SASH1: variants seen among roughly 807,000 people sequenced by gnomAD.
SASH1 encodes SAM and SH3 domain containing 1.
Under a neutral mutation model 125.2 loss-of-function variants are expected in SASH1, and 44 were observed. That is an observed-to-expected ratio of 0.35 (90% CI 0.28 to 0.45). SASH1 has a LOEUF of 0.45. Among genes scored for constraint, SASH1 ranks in the 20% least tolerant of loss-of-function variants. SASH1 has a pLI of 1.00. For synonymous variants in SASH1, 639 were observed against 649.1 expected, an observed-to-expected ratio of 0.98 and a Z score of 0.24; for missense variants, 1,426 against 1,614.5, an observed-to-expected ratio of 0.88 and a Z score of 2.00.
chr6:148,482,931 C>T (rs574729644), intron 7 of SASH1, among the ~76,000 whole-genome samples: 12 of 152,154 alleles, frequency 7.9e-5, no homozygotes, highest in Admixed American at 1.3e-4. Flanking sequence ...TCAAGTGATC[C>T]ACCTGCCTCA....
At chr6:148,247,202 G>T in the SASH1 span, among the ~76,000 whole-genome samples, 1 of 152,170 alleles carries the variant, frequency 6.6e-6, no homozygotes, top group Non-Finnish European at 1.5e-5. Context: ...TAGTAAACTA[G>T]AATGCGAATT....
At chr6:148,205,969 A>G in the SASH1 span, among the ~76,000 whole-genome samples, 2 of 152,180 alleles carry the variant, frequency 1.3e-5, no homozygotes, top group Admixed American at 1.3e-4. Context: ...TTGCCTAGGA[A>G]TAGGCTGCCT....
chr6:148,272,527 C>A, intron 1 of SASH1: 1 of 321,134 alleles, frequency 3.1e-6, no homozygotes, highest in Non-Finnish European at 7.0e-6. Flanking sequence ...ATGAATTCAT[C>A]AAAATTCCGA....
intron 1 of SASH1, among the ~76,000 whole-genome samples, chr6:148,298,439 G>C (rs1779821695): frequency 6.6e-6 from 1 of 152,068 alleles, no homozygotes; most frequent in Admixed American, 6.5e-5. Context: ...AGACCAGCCT[G>C]GGCAACATGG....
In SASH1 at chr6:148,435,546, A is replaced by T. The variant is rs2473554; in HGVS notation, c.286-4638A>T. On this transcript the variant is annotated intron_variant, in intron 2 of 19. Coordinates refer to ENST00000367467, the MANE Select transcript of SASH1 (RefSeq NM_015278.5). ...TTCATAAATACGATTTTTCCTTATG[A>T]CCAAAGAAAGTCCTCCAGTACCAGG... 1.5e-3 allele frequency among the ~76,000 whole-genome samples: 224 copies of T among 152,190 alleles called. 2 individuals carry two copies. The highest frequency in any genetic ancestry group is 3.3e-3 in the South Asian group (16 of 4,800).
chr6:148,283,569 C>G (rs749735359), intron 1 of SASH1, among the ~76,000 whole-genome samples: 3 of 152,106 alleles, frequency 2.0e-5, no homozygotes, highest in Non-Finnish European at 4.4e-5. Context: ...GTCAGGAGAT[C>G]GAGACCATCC....
chr6:148,358,727 G>GTTTTTT (rs1554242358), intron 1 of SASH1, among the ~76,000 whole-genome samples: 2 of 98,794 alleles, frequency 2.0e-5, no homozygotes, highest in African/African-American at 7.0e-5. Flanking sequence ...CTAATGCCAT[G>GTTTTTT]TTTTTGTTTT....
At chr6:148,364,338 T>C (rs1323957691) in intron 1 of SASH1, among the ~76,000 whole-genome samples, 1 of 152,182 alleles carries the variant, frequency 6.6e-6, no homozygotes, top group Non-Finnish European at 1.5e-5. Context: ...GAGAGATGGC[T>C]CACCACTGCT....
the SASH1 span, among the ~76,000 whole-genome samples, chr6:148,211,576 G>GAA: frequency 0.072 from 9,951 of 138,954 alleles, 751 homozygotes; most frequent in African/African-American, 0.2. Flanking sequence ...ATCTCAAAGG[G>GAA]AAAAAAAAAA....
intron 16 of SASH1, 29 bp downstream of exon 16, chr6:148,534,930 C>T (rs1781751749): frequency 2.5e-6 from 4 of 1,611,708 alleles, no homozygotes; most frequent in Non-Finnish European, 3.4e-6. Flanking sequence ...AGAGGTGTTC[C>T]CTGTGAGGTC....
chr6:148,241,691 C>T, the SASH1 span, among the ~76,000 whole-genome samples: 1 of 152,164 alleles, frequency 6.6e-6, no homozygotes, highest in South Asian at 2.1e-4. Context: ...GTTAAGAGGG[C>T]AGGTTCTGGA....
chr6:148,273,110 A>T (rs190378798), intron 1 of SASH1, among the ~76,000 whole-genome samples: 1 of 152,072 alleles, frequency 6.6e-6, no homozygotes, highest in East Asian at 1.9e-4. Context: ...AATTACAAAA[A>T]TTAGCTGGGC....
the SASH1 span, among the ~76,000 whole-genome samples, chr6:148,239,265 G>A: frequency 3.3e-5 from 5 of 152,168 alleles, no homozygotes; most frequent in African/African-American, 1.2e-4. Context: ...ATTTCCTAAA[G>A]GAAATGATAA....
chr6:148,425,852 C>T (rs1376762504), intron 2 of SASH1, among the ~76,000 whole-genome samples: 2 of 151,466 alleles, frequency 1.3e-5, no homozygotes, highest in African/African-American at 2.4e-5. Context: ...CTGCCTCAGC[C>T]TCCGTGAGCC....
the SASH1 span, among the ~76,000 whole-genome samples, chr6:148,244,152 A>G: frequency 6.6e-6 from 1 of 152,164 alleles, no homozygotes; most frequent in Non-Finnish European, 1.5e-5. Context: ...TCAACACAGC[A>G]CTTGACCATC....
chr6:148,361,397 A>C (rs1437875961), intron 1 of SASH1, among the ~76,000 whole-genome samples: 2 of 152,168 alleles, frequency 1.3e-5, no homozygotes, highest in African/African-American at 4.8e-5. Context: ...CAGGAGTTTG[A>C]GACCAGCCCA....
chr6:148,342,094 A>G (rs549193853), upstream of SASH1, among the ~76,000 whole-genome samples: 1 of 152,308 alleles, frequency 6.6e-6, no homozygotes, highest in South Asian at 2.1e-4. Flanking sequence ...CCTAATGTAA[A>G]GGAATAATTA....
the SASH1 span, among the ~76,000 whole-genome samples, chr6:148,206,478 A>G: frequency 1.3e-5 from 2 of 152,246 alleles, no homozygotes; most frequent in East Asian, 3.9e-4. Context: ...CTTGCCATAA[A>G]TAGAAAATTT....
At position 148,474,203 on chromosome 6, in the gene SASH1, T is replaced by C. The variant is rs556934713; in HGVS notation, c.608T>C (p.Ile203Thr). The change falls in exon 7 of 20, where the codon ATT becomes ACT. Residue 203 changes from isoleucine to threonine, a missense_variant. Physicochemically the swap from Ile to Thr is moderately conservative, Grantham distance 89. This residue lies in a region of SASH1 where 567 missense variants were observed against 575.6 expected (regional missense o/e 0.99). Transcript: ENST00000367467. ...ATGGTCAAAGAAAAGATGATCACAA[T>C]TGAGGAAGCACTTGCTAGGGTAAGC... ...MMMVKEKMIT[I>T]EEALARLKEY... The C allele has an allele frequency of 2.5e-6, 4 of 1,602,512 alleles. No individual in the cohort carries two copies. Among genetic ancestry groups the C allele is most frequent in the East Asian group, 2.2e-5 (1 of 44,674 alleles).
Sources: gnomAD v4.1 joint callset for allele counts (sites outside exome capture counted in the v4.1 genomes callset) on GRCh38, gnomAD v4.1.1 for gene constraint, gnomAD v4.1.1 regional missense constraint, MANE v1.5 for transcripts, NCBI Gene and HGNC (gene_info 2026-07-23, HGNC 2026-07-21) for gene names.